HLF: variants seen among roughly 807,000 people sequenced by gnomAD.
HLF encodes hepatic leukemia factor.
HLF carries 3 observed loss-of-function variants against 22.6 expected under a neutral mutation model. The ratio of observed to expected loss-of-function variants is 0.13; its 90% confidence interval spans 0.06 to 0.34. HLF has a LOEUF of 0.34. HLF is among the 10% of genes least tolerant of loss of function. The pLI is 1.00. For missense variants in HLF, 299 were observed against 389.2 expected, an observed-to-expected ratio of 0.77 and a Z score of 1.95; for synonymous variants, 151 against 151.8, an observed-to-expected ratio of 0.99 and a Z score of 0.04.
chr17:55,267,730 C>T, intron 1 of HLF, 21 bp from the exon 2 acceptor site: 4 of 1,480,614 alleles, frequency 2.7e-6, no homozygotes, highest in East Asian at 2.3e-5. Flanking sequence ...TTTTTAAGTC[C>T]AGCTTTCCCT....
intron 2 of HLF, among the ~76,000 whole-genome samples, chr17:55,290,013 C>T (rs138198338): frequency 2.3e-3 from 353 of 152,274 alleles, no homozygotes; most frequent in African/African-American, 8.2e-3. Context: ...CAAGATATTT[C>T]GCTTTGGAAT....
chr17:55,283,959 T>A (rs1313904235), intron 2 of HLF: 1 of 152,264 alleles, frequency 6.6e-6, no homozygotes, highest in African/African-American at 2.4e-5. Flanking sequence ...TGAAGGTGAT[T>A]CTCAGTTATC....
At chr17:55,267,559 T>C (rs2080804364) in intron 1 of HLF, 192 bp from the exon 2 acceptor site, 1 of 531,484 alleles carries the variant, frequency 1.9e-6, no homozygotes, top group South Asian at 2.9e-5. Flanking sequence ...AATAGGAAGA[T>C]GTTGAAAAAC....
intron 2 of HLF, among the ~76,000 whole-genome samples, chr17:55,307,032 C>T (rs192224148): frequency 9.8e-4 from 149 of 151,698 alleles, no homozygotes; most frequent in African/African-American, 3.6e-3. Context: ...GTAAAACAGC[C>T]AGCAGCAGAG....
chr17:55,291,064 TAGCAGAGGTTG>T (rs1470313749), intron 2 of HLF, among the ~76,000 whole-genome samples: 1 of 152,186 alleles, frequency 6.6e-6, no homozygotes, highest in African/African-American at 2.4e-5. Context: ...AGGTTTGAGC[TAGCAGAGGTTG>T]GTTCATGAGG....
chr17:55,275,723 T>G (rs1207404054), intron 2 of HLF, among the ~76,000 whole-genome samples: 1 of 152,244 alleles, frequency 6.6e-6, no homozygotes, highest in African/African-American at 2.4e-5. Context: ...GTTGGGTTTT[T>G]GTGAGCTTTC....
chr17:55,281,178 C>T (rs190415378), intron 2 of HLF, among the ~76,000 whole-genome samples: 1 of 152,308 alleles, frequency 6.6e-6, no homozygotes, highest in African/African-American at 2.4e-5. Context: ...TGTTGAATTT[C>T]AGCTAAAGCT....
rs982702278 is a variant in HLF, at chr17:55,322,030, A to C, written c.*1151A>C. ...TTTTAAAAAGAAAATCAGTTGATTA[A>C]GTTAATAAGTTGATGTTTTCTAAGG... On this transcript the variant is annotated 3_prime_UTR_variant, in exon 4 of 4. Transcript: ENST00000226067. The C allele has an allele frequency of 1.9e-5, 4 of 215,868 alleles. No homozygotes were observed. Among genetic ancestry groups the C allele is most frequent in the African/African-American group, 9.0e-5 (4 of 44,312 alleles). The allele number at this position is 215,868 out of a possible 1,614,324, so 13.4% of individuals were successfully genotyped here.
At chr17:55,284,994 A>G (rs963409656) in intron 2 of HLF, among the ~76,000 whole-genome samples, 98 of 152,316 alleles carry the variant, frequency 6.4e-4, no homozygotes, top group African/African-American at 2.2e-3. Context: ...GTGGAGACCA[A>G]GACCACTGAA....
intron 2 of HLF, among the ~76,000 whole-genome samples, chr17:55,291,608 TA>T (rs34432555): frequency 0.42 from 63,383 of 152,096 alleles, 13,767 homozygotes; most frequent in East Asian, 0.75. Context: ...ACAAGAAGAT[TA>T]ATGTTATTTT....
In HLF at chr17:55,320,750, C is replaced by A. The variant is rs748052153; in HGVS notation, c.759C>A (p.Ile253=). The change falls in exon 4 of 4, where the codon ATC becomes ATA. Residue 253 remains isoleucine (I), a synonymous_variant. Coordinates refer to ENST00000226067, the MANE Select transcript of HLF (RefSeq NM_002126.5). The surrounding 1 kb of genome is among the most constrained non-coding windows in gnomAD (Gnocchi z 4.2). ...CCCGGAGGCTGAAAGAGAACCAGAT[C>A]GCCATCCGGGCCTCGTTCCTGGAGA... ...RDARRLKENQ[I]AIRASFLEKE... 2 of 1,614,118 alleles carry A rather than the reference C, an allele frequency of 1.2e-6. No individual in the cohort carries two copies. The highest frequency in any genetic ancestry group is 8.5e-7 in the Non-Finnish European group (1 of 1,179,988).
intron 2 of HLF, among the ~76,000 whole-genome samples, chr17:55,309,436 C>T (rs1904728569): frequency 6.6e-6 from 1 of 152,182 alleles, no homozygotes. Flanking sequence ...GCAAAGTCAG[C>T]TGTAATCCCT....
chr17:55,315,211 TC>T lies in HLF; in HGVS notation c.452-14del. 1.2e-6 allele frequency: 2 copies of T among 1,609,754 alleles called. No homozygotes were observed. Among genetic ancestry groups the T allele is most frequent in the Non-Finnish European group, 1.7e-6 (2 of 1,176,348 alleles). ...CTCTAGGGTGTTCATGAATTAAAAC[TC>T]CTGTGTTGTTCCAGGTCAGCTGTTG... On this transcript the variant is annotated splice_polypyrimidine_tract_variant and intron_variant, in intron 2 of 3. Coordinates refer to ENST00000226067, the MANE Select transcript of HLF (RefSeq NM_002126.5).
At position 55,310,928 on chromosome 17, in the gene HLF, TAAAG is replaced by T. The variant is rs1016341174; in HGVS notation, c.452-4295_452-4292del. 7.6e-4 allele frequency among the ~76,000 whole-genome samples: 115 copies of T among 151,992 alleles called. 1 individual carries two copies. The highest frequency in any genetic ancestry group is 2.6e-3 in the African/African-American group (107 of 41,464). On this transcript the variant is annotated intron_variant, in intron 2 of 3. Coordinates refer to ENST00000226067, the MANE Select transcript of HLF (RefSeq NM_002126.5). ...TAAACTGAAATGTGAAAGGCTAAAA[TAAAG>T]AAAACTATAAAACTAAACTGATACA...
chr17:55,319,219 A>C (rs534761623), intron 3 of HLF, among the ~76,000 whole-genome samples: 2 of 152,182 alleles, frequency 1.3e-5, no homozygotes, highest in Non-Finnish European at 2.9e-5. Flanking sequence ...TGTGCAGGGC[A>C]AATGCCTGTT....
intron 2 of HLF, among the ~76,000 whole-genome samples, chr17:55,298,427 C>T (rs749757166): frequency 6.6e-5 from 10 of 152,118 alleles, no homozygotes; most frequent in East Asian, 3.9e-4. Flanking sequence ...TGTTTACCCA[C>T]GAGGCACACA....
rs1429596956 is a variant in HLF at position 55,267,810 on chromosome 17, G to T, written c.175G>T (p.Val59Phe). 1.2e-6 allele frequency: 2 copies of T among 1,611,324 alleles called. No individual in the cohort carries two copies. The highest frequency in any genetic ancestry group is 2.2e-5 in the South Asian group (2 of 91,030). The change falls in exon 2 of 4, where the codon GTC (valine) becomes TTC (phenylalanine). Residue 59 changes from valine to phenylalanine, a missense_variant. This residue lies in a region of HLF where 72 missense variants were observed against 74.0 expected (regional missense o/e 0.97). Transcript: ENST00000226067. ...KLDDESNSPTVPQSAFLGPTL... is the reference protein window; with the variant it reads ...KLDDESNSPTFPQSAFLGPTL... ...GGATGATGAGAGTAACAGCCCGACG[G>T]TCCCCCAGTCGGCATTCCTGGGGCC...
chr17:55,313,578 T>C (rs573760954), intron 2 of HLF, among the ~76,000 whole-genome samples: 12 of 152,026 alleles, frequency 7.9e-5, no homozygotes, highest in Non-Finnish European at 1.5e-4. Flanking sequence ...TGATGGGGCA[T>C]TGGCATTGGG....
intron 2 of HLF, among the ~76,000 whole-genome samples, chr17:55,274,248 C>T (rs1383929735): frequency 3.3e-5 from 5 of 151,900 alleles, no homozygotes; most frequent in Non-Finnish European, 7.4e-5. Flanking sequence ...ACCCAGGAAT[C>T]ATTTTTTATG....
Sources: allele counts gnomAD v4.1 joint callset (sites outside exome capture counted in the v4.1 genomes callset), GRCh38; gene constraint gnomAD v4.1.1; regional missense constraint gnomAD v4.1.1; non-coding constraint Gnocchi (gnomAD v3.1); transcripts MANE v1.5; gene names NCBI Gene and HGNC (gene_info 2026-07-23, HGNC 2026-07-21).